CPQ: variants seen among roughly 807,000 people sequenced by gnomAD.
The protein encoded by CPQ is Ser-Met dipeptidase.
A neutral mutation model predicts 45.7 loss-of-function variants in CPQ; 37 were observed. The ratio of observed to expected loss-of-function variants is 0.81; its 90% confidence interval spans 0.62 to 1.07. The LOEUF is 1.07. CPQ is among the 50% of genes least tolerant of loss of function. CPQ has a pLI of 0.00. For synonymous variants in CPQ, 186 were observed against 205.8 expected (o/e 0.90, Z 0.82); for missense variants, 537 against 572.9 (o/e 0.94, Z 0.64).
At chr8:96,837,797 C>T (rs1477580119) in intron 3 of CPQ, among the ~76,000 whole-genome samples, 1 of 152,140 alleles carries the variant, frequency 6.6e-6, no homozygotes, top group East Asian at 1.9e-4. Flanking sequence ...CCTCATCCTT[C>T]ATCTTCTAAG....
chr8:96,981,692 A>G (rs925471408), intron 5 of CPQ, among the ~76,000 whole-genome samples: 2 of 152,246 alleles, frequency 1.3e-5, no homozygotes, highest in African/African-American at 4.8e-5. Context: ...GGTTAAACTT[A>G]TAAAGCAGAG....
chr8:97,126,271 A>T (rs767021951), intron 7 of CPQ, among the ~76,000 whole-genome samples: 4 of 152,194 alleles, frequency 2.6e-5, no homozygotes, highest in East Asian at 1.9e-4. Flanking sequence ...ATAATAATAA[A>T]AAATAGCAAG....
chr8:96,648,919 G>C lies in CPQ; in HGVS notation c.-35+3517G>C, dbSNP rs201892805. Among the ~76,000 whole-genome samples the C allele has an allele frequency of 1.5e-4, 23 of 152,306 alleles. No homozygotes were observed. In the East Asian group the frequency reaches 3.7e-3, roughly 24 times the overall value. On this transcript the variant is annotated intron_variant, in intron 1 of 7. Transcript: ENST00000220763. ...GGTAAGGTTAGGGCCAGACAGTGAT[G>C]GTCCTTGAATGTCATGTTATTTAAA...
intron 7 of CPQ, among the ~76,000 whole-genome samples, chr8:97,080,630 A>T (rs1810929940): frequency 6.6e-6 from 1 of 152,228 alleles, no homozygotes; most frequent in African/African-American, 2.4e-5. Context: ...TAACATTCTT[A>T]CATATCCCCC....
At chr8:96,661,493 C>T (rs529207804) in intron 1 of CPQ, among the ~76,000 whole-genome samples, 4 of 152,218 alleles carry the variant, frequency 2.6e-5, no homozygotes, top group East Asian at 3.9e-4. Context: ...TCTCTGTGTT[C>T]GTAGTTTTGC....
At chr8:96,875,033 GA>G (rs1457386111) in intron 3 of CPQ, among the ~76,000 whole-genome samples, 1 of 151,788 alleles carries the variant, frequency 6.6e-6, no homozygotes, top group Non-Finnish European at 1.5e-5. Context: ...CTATTAGATG[GA>G]AAGTGACATC....
chr8:96,739,936 A>G (rs1247789491), intron 1 of CPQ, among the ~76,000 whole-genome samples: 2 of 152,148 alleles, frequency 1.3e-5, no homozygotes, highest in Non-Finnish European at 2.9e-5. Context: ...GATTGACTTG[A>G]TGATGCGGGC....
intron 1 of CPQ, among the ~76,000 whole-genome samples, chr8:96,669,718 A>G (rs1422364440): frequency 6.6e-6 from 1 of 152,224 alleles, no homozygotes; most frequent in Non-Finnish European, 1.5e-5. Context: ...ATGGATTGAA[A>G]AACATGATCA....
At chr8:96,806,497 A>C (rs995149936) in intron 2 of CPQ, among the ~76,000 whole-genome samples, 2 of 152,200 alleles carry the variant, frequency 1.3e-5, no homozygotes, top group African/African-American at 4.8e-5. Context: ...TTGTAAAAAT[A>C]TGAAATTATT....
intron 2 of CPQ, among the ~76,000 whole-genome samples, chr8:96,830,395 A>G (rs1014733279): frequency 1.3e-5 from 2 of 152,110 alleles, no homozygotes; most frequent in African/African-American, 4.8e-5. Context: ...TCTATAGACT[A>G]CATGATCCGT....
At chr8:97,131,742 A>T (rs1231080049) in intron 7 of CPQ, among the ~76,000 whole-genome samples, 2 of 152,212 alleles carry the variant, frequency 1.3e-5, no homozygotes, top group Non-Finnish European at 2.9e-5. Flanking sequence ...TACTAGAGTC[A>T]TTTAAAAGAA....
chr8:96,813,507 G>A (rs1811185178), intron 2 of CPQ, among the ~76,000 whole-genome samples: 1 of 152,134 alleles, frequency 6.6e-6, no homozygotes, highest in Non-Finnish European at 1.5e-5. Context: ...TATTCTGTGA[G>A]CTGATATATT....
intron 5 of CPQ, among the ~76,000 whole-genome samples, chr8:96,985,087 T>C (rs1054547190): frequency 1.3e-5 from 2 of 152,182 alleles, no homozygotes; most frequent in Admixed American, 6.5e-5. Flanking sequence ...GCAGTTATTT[T>C]TTTCCCAGAA....
At chr8:97,008,023 A>C (rs1809416589) in intron 5 of CPQ, among the ~76,000 whole-genome samples, 1 of 152,188 alleles carries the variant, frequency 6.6e-6, no homozygotes, top group South Asian at 2.1e-4. Flanking sequence ...CAACATGCTT[A>C]CTGTACAGAG....
chr8:96,966,927 TA>T (rs1024100419), intron 5 of CPQ, among the ~76,000 whole-genome samples: 2 of 152,232 alleles, frequency 1.3e-5, no homozygotes, highest in African/African-American at 4.8e-5. Flanking sequence ...ATGGAGTGGG[TA>T]ACCTTCACAC....
At chr8:96,939,639 A>C (rs1177937324) in intron 4 of CPQ, among the ~76,000 whole-genome samples, 6 of 152,154 alleles carry the variant, frequency 3.9e-5, no homozygotes, top group Non-Finnish European at 8.8e-5. Flanking sequence ...TGCAGTGTGC[A>C]GCTGTGCTTC....
At chr8:96,781,272 T>C (rs1810682099) in intron 1 of CPQ, among the ~76,000 whole-genome samples, 1 of 152,162 alleles carries the variant, frequency 6.6e-6, no homozygotes, top group African/African-American at 2.4e-5. Flanking sequence ...AGTTTATAAC[T>C]AACAGAAATT....
intron 1 of CPQ, chr8:96,680,374 G>A (rs1260059451): frequency 2.0e-5 from 3 of 152,136 alleles, no homozygotes; most frequent in East Asian, 3.9e-4. Flanking sequence ...AATCATGGGG[G>A]CTTGTCTTTC....
intron 1 of CPQ, among the ~76,000 whole-genome samples, chr8:96,758,633 T>G (rs549034437): frequency 6.6e-6 from 1 of 152,340 alleles, no homozygotes; most frequent in African/African-American, 2.4e-5. Context: ...CCTGCTGCCA[T>G]GTTAAGAAGT....
Sources: allele counts gnomAD v4.1 joint callset (sites outside exome capture counted in the v4.1 genomes callset), GRCh38; gene constraint gnomAD v4.1.1; transcripts MANE v1.5; gene names NCBI Gene and HGNC (gene_info 2026-07-23, HGNC 2026-07-21).